NPIPB11: variants seen among roughly 807,000 people sequenced by gnomAD.
NPIPB11 encodes the protein nuclear pore complex interacting protein family member B11, also known as nuclear pore complex-interacting protein family member B11.
In NPIPB11, 17 loss-of-function variants were observed where a neutral mutation model predicts 32.8. The observed-to-expected ratio is 0.52, with a 90% CI of 0.35 to 0.78. The LOEUF (loss-of-function observed/expected upper bound fraction) is 0.78. NPIPB11 is among the 30% of genes least tolerant of loss of function. The probability of loss-of-function intolerance (pLI) is 0.01; values close to 1 mark genes in which losing one functional copy is unlikely to be tolerated. For missense variants in NPIPB11, 537 were observed against 1,000.4 expected (o/e 0.54, Z 6.25); for synonymous variants, 209 against 398.4 (o/e 0.52, Z 5.66).
chr16:29,399,582 C>A (rs1357534625), intron 2 of NPIPB11, among the ~76,000 whole-genome samples: 1 of 151,032 alleles, frequency 6.6e-6, no homozygotes, highest in East Asian at 2.0e-4. Flanking sequence ...GCCTTAGTCC[C>A]ACCTACTTGG....
chr16:29,402,748 G>A (rs929947598), intron 2 of NPIPB11, among the ~76,000 whole-genome samples: 3 of 150,362 alleles, frequency 2.0e-5, no homozygotes, highest in Non-Finnish European at 2.9e-5. Flanking sequence ...GTGTGTGTGT[G>A]TGTGTGTGTG....
exon 8 of NPIPB11, chr16:29,381,428 G>C (rs1248044846): frequency 1.3e-6 from 1 of 780,818 alleles, no homozygotes; most frequent in Admixed American, 2.2e-5. Context: ...GCTCAGGCTT[G>C]AGTGCACTGG....
chr16:29,401,102 G>C (rs1378734881), intron 2 of NPIPB11, among the ~76,000 whole-genome samples: 2 of 152,118 alleles, frequency 1.3e-5, no homozygotes, highest in Non-Finnish European at 2.9e-5. Context: ...AGAGTGTTTA[G>C]CACAATACAT....
chr16:29,390,458 G>T (rs1374442991), intron 3 of NPIPB11, 110 bp from the exon 4 acceptor site: 3 of 1,540,268 alleles, frequency 1.9e-6, no homozygotes, highest in Admixed American at 1.7e-5. Flanking sequence ...AGCAAGACCA[G>T]CCTGGCCAAG....
chr16:29,393,315 C>T (rs1963767466), intron 3 of NPIPB11, among the ~76,000 whole-genome samples: 1 of 151,582 alleles, frequency 6.6e-6, no homozygotes, highest in Admixed American at 6.6e-5. Flanking sequence ...CACCTCGTCC[C>T]TATGACCTCA....
intron 2 of NPIPB11, among the ~76,000 whole-genome samples, chr16:29,402,760 G>GTGTGTT (rs1964027658): frequency 6.9e-6 from 1 of 144,348 alleles, no homozygotes; most frequent in African/African-American, 2.8e-5. Context: ...GTGTGTGTGT[G>GTGTGTT]TGTGTATCTC....
intron 2 of NPIPB11, among the ~76,000 whole-genome samples, chr16:29,402,750 GTGTGTGTGTGTGTGTA>G (rs1567276699): frequency 6.8e-6 from 1 of 146,264 alleles, no homozygotes; most frequent in African/African-American, 2.7e-5. Flanking sequence ...GTGTGTGTGT[GTGTGTGTGTGTGTGTA>G]TCTCTATATA....
At chr16:29,393,795 T>C (rs1040959397) in intron 3 of NPIPB11, among the ~76,000 whole-genome samples, 153 bp downstream of exon 3, 4 of 152,332 alleles carry the variant, frequency 2.6e-5, no homozygotes, top group South Asian at 2.1e-4. Context: ...AAATGGCAGA[T>C]ATTTTCATAA....
chr16:29,394,722 G>C (rs940538190), intron 2 of NPIPB11, among the ~76,000 whole-genome samples: 1 of 151,780 alleles, frequency 6.6e-6, no homozygotes, highest in Non-Finnish European at 1.5e-5. Flanking sequence ...GTGAGCCACC[G>C]TGCCCAGCCA....
In NPIPB11 at chr16:29,383,055, A is replaced by G. The variant is rs530360436; in HGVS notation, c.1877T>C (p.Leu626Pro). ...GTGGAAGCGGAACCCGCAGATGCTC[A>G]GCAGGTATCTTGATATTATCATCTG... The change falls in exon 8 of 8, where the codon CTG (leucine) becomes CCG (proline). Residue 626 changes from leucine (L) to proline (P), a missense_variant. By Grantham distance (98) the Leu-to-Pro change is moderately conservative. Transcript: ENST00000524087. The G allele has an allele frequency of 2.5e-4, 396 of 1,579,634 alleles. 3 individuals are homozygous for G. Among genetic ancestry groups the G allele is most frequent in the African/African-American group, 5.5e-4 (37 of 67,214 alleles).
intron 2 of NPIPB11, among the ~76,000 whole-genome samples, chr16:29,399,319 A>G (rs1166474754): frequency 1.3e-5 from 2 of 150,538 alleles, no homozygotes; most frequent in African/African-American, 4.9e-5. Context: ...AGGTTATTGT[A>G]AACAGGAAAT....
intron 3 of NPIPB11, among the ~76,000 whole-genome samples, chr16:29,393,348 T>G (rs1963768159): frequency 6.6e-6 from 1 of 151,372 alleles, no homozygotes; most frequent in African/African-American, 2.4e-5. Context: ...CTCAGGCCAA[T>G]TGTTTGTTCC....
At chr16:29,389,119 T>A (rs1963641409) in intron 5 of NPIPB11, among the ~76,000 whole-genome samples, 1 of 147,412 alleles carries the variant, frequency 6.8e-6, no homozygotes. Context: ...CGCTTGAACC[T>A]GGGAGGTGGA....
chr16:29,394,122 CA>C (rs1963791434), intron 2 of NPIPB11, 46 bp from the exon 3 acceptor site: 1 of 1,580,512 alleles, frequency 6.3e-7, no homozygotes, highest in African/African-American at 1.3e-5. Flanking sequence ...ATGACACTGA[CA>C]ATATTTCACT....
At chr16:29,390,982 AAAT>A (rs1963707687) in intron 3 of NPIPB11, among the ~76,000 whole-genome samples, 2 of 150,820 alleles carry the variant, frequency 1.3e-5, no homozygotes, top group South Asian at 2.1e-4. Context: ...AAAAAAAAAA[AAAT>A]AGGCCACCTG....
chr16:29,402,062 T>G (rs1964004968), intron 2 of NPIPB11, among the ~76,000 whole-genome samples: 1 of 151,540 alleles, frequency 6.6e-6, no homozygotes, highest in Admixed American at 6.6e-5. Flanking sequence ...GCTCTGCCTC[T>G]TATTGACTGT....
At chr16:29,390,115 T>C in exon 5 of NPIPB11, 1 of 736,498 alleles carries the variant, frequency 1.4e-6, no homozygotes, top group South Asian at 1.8e-5. Flanking sequence ...TTTCTTTGTG[T>C]GCATACAAAT....
chr16:29,394,383 A>G (rs1358669255), intron 2 of NPIPB11, among the ~76,000 whole-genome samples: 1 of 151,360 alleles, frequency 6.6e-6, no homozygotes, highest in Non-Finnish European at 1.5e-5. Context: ...AGCCACACAT[A>G]ACATACACAA....
At chr16:29,396,935 G>A (rs1189313520) in intron 2 of NPIPB11, among the ~76,000 whole-genome samples, 1 of 151,988 alleles carries the variant, frequency 6.6e-6, no homozygotes, top group East Asian at 1.9e-4. Flanking sequence ...GGATCACGAG[G>A]TCAAGAGATG....
Sources: gnomAD v4.1 joint callset for allele counts (sites outside exome capture counted in the v4.1 genomes callset) on GRCh38, gnomAD v4.1.1 for gene constraint, MANE v1.5 for transcripts, NCBI Gene and HGNC (gene_info 2026-07-23, HGNC 2026-07-21) for gene names.